TULP3: variants seen among roughly 807,000 people sequenced by gnomAD.
TULP3 encodes TUB like protein 3, also known as tubby-related protein 3.
In TULP3, 38 loss-of-function variants were observed where a neutral mutation model predicts 50.7. That is an observed-to-expected ratio of 0.75 (90% CI 0.58 to 0.98). The LOEUF (loss-of-function observed/expected upper bound fraction) is 0.98, where lower values mean the gene tolerates loss of function less well. Among genes scored for constraint, TULP3 ranks in the 50% least tolerant of loss-of-function variants. The pLI is 0.00. For missense variants in TULP3, 550 were observed against 568.0 expected (o/e 0.97, Z 0.32); for synonymous variants, 183 against 196.6 (o/e 0.93, Z 0.58).
At chr12:2,920,155 T>C (rs1003889700) in intron 2 of TULP3, among the ~76,000 whole-genome samples, 23 of 152,176 alleles carry the variant, frequency 1.5e-4, no homozygotes, top group African/African-American at 5.1e-4. Context: ...GTTTTGAGCT[T>C]GTGGTCACAT....
intron 2 of TULP3, among the ~76,000 whole-genome samples, chr12:2,912,903 C>T (rs1363713032): frequency 1.3e-5 from 2 of 152,020 alleles, no homozygotes; most frequent in Admixed American, 1.3e-4. Flanking sequence ...CGCATGTGCC[C>T]AGGACATTCT....
chr12:2,894,538 A>AACACACACACACACACACACAC (rs56834874), intron 1 of TULP3, among the ~76,000 whole-genome samples: 16 of 147,828 alleles, frequency 1.1e-4, no homozygotes, highest in African/African-American at 3.7e-4. Flanking sequence ...CCGTCTCAAA[A>AACACACACACACACACACACAC]ACACACACAC....
chr12:2,939,623 C>T lies in TULP3; in HGVS notation c.*179C>T, dbSNP rs2098203517. On this transcript the variant is annotated 3_prime_UTR_variant, in exon 11 of 11. Transcript: ENST00000448120. This position sits in a 1 kb window ranked among gnomAD's most constrained non-coding sequence, Gnocchi z 4.0. ...TAGTTTGCCCCTTTTGGAACGACCCCTGAATATATAAAACACACACACGAA... is the reference window on the plus strand; with the variant it reads ...TAGTTTGCCCCTTTTGGAACGACCCTTGAATATATAAAACACACACACGAA... 1 of 1,398,378 alleles carries T rather than the reference C, an allele frequency of 7.2e-7. No individual in the cohort carries two copies. The highest frequency in any genetic ancestry group is 9.3e-7 in the Non-Finnish European group (1 of 1,071,906). The allele number at this position is 1,398,378 out of a possible 1,614,324, so 86.6% of individuals were successfully genotyped here.
Position 2,940,745 on chromosome 12 carries a change from C to G in TULP3, c.*1301C>G. ...CATGTGAAGGAGGGCCAACTGGCAG[C>G]TGCGGGACCCTTGGCTTGTCCCCCA... On this transcript the variant is annotated 3_prime_UTR_variant, in exon 11 of 11. Transcript: ENST00000448120. 6.5e-7 allele frequency: 1 copy of G among 1,539,334 alleles called. No homozygotes were observed. The highest frequency in any genetic ancestry group is 8.8e-7 in the Non-Finnish European group (1 of 1,139,832).
At chr12:2,907,555 C>T (rs1483112672) in intron 1 of TULP3, among the ~76,000 whole-genome samples, 5 of 147,604 alleles carry the variant, frequency 3.4e-5, no homozygotes, top group East Asian at 4.0e-4. Flanking sequence ...GGCTGAGGCA[C>T]GAGAATGGCT....
At chr12:2,915,746 A>G (rs572207429) in intron 2 of TULP3, among the ~76,000 whole-genome samples, 60 of 151,912 alleles carry the variant, frequency 3.9e-4, no homozygotes, top group Middle Eastern at 6.8e-3. Flanking sequence ...GGATTTCACC[A>G]TGTTGGCCAG....
intron 1 of TULP3, among the ~76,000 whole-genome samples, chr12:2,905,245 G>A (rs1375449403): frequency 1.3e-5 from 2 of 148,880 alleles, no homozygotes; most frequent in East Asian, 4.1e-4. Context: ...GAGTGCAGTG[G>A]CGTGATCTTG....
chr12:2,920,991 G>C, intron 3 of TULP3, 69 bp downstream of exon 3: 1 of 1,583,448 alleles, frequency 6.3e-7, no homozygotes. Context: ...CACGAGGATT[G>C]TCAGACGGAC....
intron 5 of TULP3, 133 bp from the exon 6 acceptor site, chr12:2,930,904 A>C (rs1470380477): frequency 1.0e-6 from 1 of 965,530 alleles, no homozygotes; most frequent in East Asian, 2.4e-5. Context: ...TTAACTTTTC[A>C]GTTTTCCTCA....
At chr12:2,896,145 G>A (rs1359488407) in intron 1 of TULP3, among the ~76,000 whole-genome samples, 1 of 152,054 alleles carries the variant, frequency 6.6e-6, no homozygotes, top group East Asian at 1.9e-4. Flanking sequence ...TTACCATGTT[G>A]GTCAAACTGG....
chr12:2,934,352 A>G, intron 7 of TULP3, 95 bp from the exon 8 acceptor site: 1 of 714,978 alleles, frequency 1.4e-6, no homozygotes, highest in Non-Finnish European at 2.2e-6. Context: ...CATTTGGAAA[A>G]CAGGCAAATA....
chr12:2,910,799 C>A (rs888788173), intron 2 of TULP3, among the ~76,000 whole-genome samples: 6 of 152,100 alleles, frequency 3.9e-5, no homozygotes, highest in Admixed American at 3.9e-4. Context: ...AATTCTGTTA[C>A]ACACACACAC....
In TULP3 at chr12:2,934,430, T is replaced by C; in HGVS notation, c.810-17T>C. The stretch of plus-strand genomic sequence containing the variant: ...AAAAATACAGATCATCATGGTGACT[T>C]TTTCTCCTGACTCCAGATCCAACCT... On this transcript the variant is annotated splice_polypyrimidine_tract_variant and intron_variant, in intron 7 of 10. Coordinates refer to ENST00000448120, the MANE Select transcript of TULP3 (RefSeq NM_003324.5). 6.6e-7 allele frequency: 1 copy of C among 1,526,442 alleles called. No individual in the cohort carries two copies. The highest frequency in any genetic ancestry group is 8.8e-7 in the Non-Finnish European group (1 of 1,134,402). The allele number at this position is 1,526,442 out of a possible 1,614,324, so 94.6% of individuals were successfully genotyped here.
In TULP3 at chr12:2,940,664, C is replaced by T. The variant is rs2098204256; in HGVS notation, c.*1220C>T. 6.4e-7 allele frequency: 1 copy of T among 1,551,754 alleles called. No homozygotes were observed. Among genetic ancestry groups the T allele is most frequent in the Non-Finnish European group, 8.7e-7 (1 of 1,146,998 alleles). On this transcript the variant is annotated 3_prime_UTR_variant, in exon 11 of 11. Transcript: ENST00000448120. The stretch of plus-strand genomic sequence containing the variant: ...GTGGCGGCTGCTCCCTCAGACCTCC[C>T]TTCTGTGGACTGACCTCTCACCTCC...
At chr12:2,895,449 A>G (rs1229007898) in intron 1 of TULP3, among the ~76,000 whole-genome samples, 1 of 152,192 alleles carries the variant, frequency 6.6e-6, no homozygotes, top group East Asian at 1.9e-4. Context: ...CTTTTCTGAC[A>G]CTTCTCATAT....
At chr12:2,906,206 A>G (rs1409023672) in intron 1 of TULP3, among the ~76,000 whole-genome samples, 5 of 150,044 alleles carry the variant, frequency 3.3e-5, no homozygotes, top group Admixed American at 2.0e-4. Flanking sequence ...AATTTTTTGT[A>G]TTTTTAGTAC....
intron 1 of TULP3, among the ~76,000 whole-genome samples, chr12:2,893,165 A>G (rs1485573452): frequency 6.6e-6 from 1 of 151,668 alleles, no homozygotes; most frequent in Non-Finnish European, 1.5e-5. Flanking sequence ...ACTTGGCCCT[A>G]AATTGTAAAA....
At chr12:2,923,251 T>C (rs1190244259) in intron 4 of TULP3, among the ~76,000 whole-genome samples, 1 of 152,214 alleles carries the variant, frequency 6.6e-6, no homozygotes, top group Non-Finnish European at 1.5e-5. Flanking sequence ...GGTACCTACT[T>C]TGCATTAGGC....
intron 2 of TULP3, among the ~76,000 whole-genome samples, chr12:2,914,347 C>T (rs1380399385): frequency 1.3e-5 from 2 of 151,834 alleles, no homozygotes; most frequent in East Asian, 3.9e-4. Context: ...TGGTCTCGAA[C>T]TCCCGACCTC....
Sources: gnomAD v4.1 joint callset for allele counts (sites outside exome capture counted in the v4.1 genomes callset) on GRCh38, gnomAD v4.1.1 for gene constraint, Gnocchi (gnomAD v3.1) non-coding constraint, MANE v1.5 for transcripts, NCBI Gene and HGNC (gene_info 2026-07-23, HGNC 2026-07-21) for gene names.